CCDC7: variants seen among roughly 807,000 people sequenced by gnomAD.
The protein encoded by CCDC7 is coiled-coil domain containing 7.
Under a neutral mutation model 196.9 loss-of-function variants are expected in CCDC7, and 183 were observed. That is an observed-to-expected ratio of 0.93 (90% CI 0.82 to 1.05). CCDC7 has a LOEUF of 1.05. Among genes scored for constraint, CCDC7 ranks in the 50% least tolerant of loss-of-function variants. The pLI, the probability that CCDC7 is intolerant of heterozygous loss-of-function variation, is 0.00. For missense variants in CCDC7, 1,540 were observed against 1,482.2 expected (o/e 1.04, Z -0.64); for synonymous variants, 525 against 484.6 (o/e 1.08, Z -1.10).
At chr10:32,872,217 C>T (rs1477377568) in intron 41 of CCDC7, among the ~76,000 whole-genome samples, 2 of 152,084 alleles carry the variant, frequency 1.3e-5, no homozygotes, top group East Asian at 3.8e-4. Flanking sequence ...GTTAAAGTCT[C>T]CCATTGTTAT....
intron 33 of CCDC7, among the ~76,000 whole-genome samples, chr10:32,836,121 C>G (rs2135990383): frequency 6.6e-6 from 1 of 152,042 alleles, no homozygotes; most frequent in Non-Finnish European, 1.5e-5. Context: ...CATCTTTTTC[C>G]TTGATCTTTG....
At chr10:32,709,298 ACAT>A (rs2080386287) in intron 24 of CCDC7, among the ~76,000 whole-genome samples, 1 of 129,706 alleles carries the variant, frequency 7.7e-6, no homozygotes, top group Non-Finnish European at 1.6e-5. Flanking sequence ...AGGAAGGGGA[ACAT>A]CACACACCGA....
intron 31 of CCDC7, among the ~76,000 whole-genome samples, chr10:32,823,426 C>T (rs1438912573): frequency 2.6e-5 from 4 of 152,182 alleles, no homozygotes; most frequent in Non-Finnish European, 4.4e-5. Flanking sequence ...AGGCATGAGC[C>T]ACTGCACCTG....
intron 7 of CCDC7, among the ~76,000 whole-genome samples, chr10:32,472,802 C>T (rs1366108296): frequency 6.6e-6 from 1 of 151,710 alleles, no homozygotes; most frequent in Non-Finnish European, 1.5e-5. Flanking sequence ...CACTATGTCG[C>T]CCAGGCTGGT....
At position 32,827,759 on chromosome 10, in the gene CCDC7, G is replaced by A. The variant is rs192463636; in HGVS notation, c.3268+3155G>A. On this transcript the variant is annotated intron_variant, in intron 32 of 41. Coordinates refer to ENST00000639629, the Ensembl canonical transcript of CCDC7. Reference sequence around the variant, plus strand: ...GTATACCTATGTAACAAACCTGCACGTTGTGCACATGTACCTTGGAACTTA... The same window carrying A: ...GTATACCTATGTAACAAACCTGCACATTGTGCACATGTACCTTGGAACTTA... 4.6e-5 allele frequency among the ~76,000 whole-genome samples: 7 copies of A among 152,180 alleles called. No individual in the cohort carries two copies. The East Asian group carries it at 5.8e-4, about 13-fold the overall frequency.
At chr10:32,720,954 G>A (rs72782261) in intron 25 of CCDC7, among the ~76,000 whole-genome samples, 6,183 of 152,220 alleles carry the variant, frequency 0.041, 193 homozygotes, top group Middle Eastern at 0.082. Flanking sequence ...TTAGCCATGC[G>A]TAGTGGCTCA....
intron 41 of CCDC7, among the ~76,000 whole-genome samples, chr10:32,864,007 G>A (rs1273981093): frequency 6.7e-6 from 1 of 149,818 alleles, no homozygotes; most frequent in African/African-American, 2.4e-5. Flanking sequence ...AAAAAAATTT[G>A]CAAACCGTAT....
chr10:32,535,761 A>G (rs1370626366), intron 11 of CCDC7, among the ~76,000 whole-genome samples: 1 of 152,208 alleles, frequency 6.6e-6, no homozygotes, highest in East Asian at 1.9e-4. Context: ...GTTGGGAGGA[A>G]AGGGGAAAGA....
intron 29 of CCDC7, among the ~76,000 whole-genome samples, chr10:32,802,401 C>A (rs1456203421): frequency 6.6e-6 from 1 of 152,116 alleles, no homozygotes; most frequent in Admixed American, 6.5e-5. Flanking sequence ...GTTCTCCATA[C>A]TATTAGAAGT....
intron 20 of CCDC7, among the ~76,000 whole-genome samples, chr10:32,660,974 T>C (rs1181206729): frequency 7.2e-6 from 1 of 138,270 alleles, no homozygotes; most frequent in Admixed American, 7.4e-5. Context: ...AATTGACAAA[T>C]GGGATCTAAT....
At chr10:32,597,356 G>A (rs2060496487) in intron 18 of CCDC7, among the ~76,000 whole-genome samples, 1 of 152,154 alleles carries the variant, frequency 6.6e-6, no homozygotes, top group African/African-American at 2.4e-5. Flanking sequence ...CTCGTGCCAT[G>A]GTTTTCAGCT....
chr10:32,781,770 T>G (rs1368324075), intron 29 of CCDC7, among the ~76,000 whole-genome samples: 1 of 152,214 alleles, frequency 6.6e-6, no homozygotes, highest in African/African-American at 2.4e-5. Flanking sequence ...TTTAGATAAC[T>G]TCTAGTCAAA....
At chr10:32,645,118 C>T (rs2067526499) in intron 20 of CCDC7, among the ~76,000 whole-genome samples, 1 of 152,158 alleles carries the variant, frequency 6.6e-6, no homozygotes, top group Non-Finnish European at 1.5e-5. Flanking sequence ...CACTAATCAT[C>T]AGAGAAATTC....
rs2080175710 is a variant in CCDC7, at chr10:32,777,051, TC to T, written c.2906-1921del. 2.6e-5 allele frequency among the ~76,000 whole-genome samples: 4 copies of T among 152,212 alleles called. No individual in the cohort carries two copies. In the South Asian group the frequency reaches 8.3e-4, roughly 32 times the overall value. ...AAGAGGTCATTTTACCCCTTCTTCC[TC>T]CCCCTTTTAGTATTCCACAGTCTCT... On this transcript the variant is annotated intron_variant, in intron 28 of 41. Coordinates refer to ENST00000639629, the Ensembl canonical transcript of CCDC7.
intron 28 of CCDC7, among the ~76,000 whole-genome samples, chr10:32,772,159 G>T (rs1324938406): frequency 6.6e-6 from 1 of 152,204 alleles, no homozygotes; most frequent in African/African-American, 2.4e-5. Context: ...ACCCCTGTGG[G>T]TGTTGGGGAA....
chr10:32,491,804 A>G, intron 8 of CCDC7, 118 bp from the exon 10 acceptor site: 1 of 941,318 alleles, frequency 1.1e-6, no homozygotes, highest in Non-Finnish European at 1.5e-6. Flanking sequence ...CATGTAGCCC[A>G]TGCTAGCCCC....
intron 9 of CCDC7, among the ~76,000 whole-genome samples, chr10:32,507,460 T>A (rs886765337): frequency 2.0e-5 from 3 of 152,124 alleles, no homozygotes; most frequent in African/African-American, 7.2e-5. Flanking sequence ...TATTACCATT[T>A]TGTTTTTTGA....
chr10:32,597,452 C>T (rs61443867), intron 18 of CCDC7, among the ~76,000 whole-genome samples: 6,476 of 152,116 alleles, frequency 0.043, 465 homozygotes, highest in African/African-American at 0.15. Flanking sequence ...TAGCTTCTTG[C>T]GATGGGTTCG....
rs60002951 is a variant in CCDC7 at position 32,459,646 on chromosome 10, A to ATTTTTTTTT, written c.457-3018_457-3010dup. On this transcript the variant is annotated intron_variant, in intron 3 of 41. Coordinates refer to ENST00000639629, the Ensembl canonical transcript of CCDC7. ...AAGCCTTTGGACTTCCCTGCTGCAC[A>ATTTTTTTTT]TTTTTTTTTTTTTTTTTTTTTTTTT... Among the ~76,000 whole-genome samples, 89 of 68,738 alleles carry ATTTTTTTTT rather than the reference A, an allele frequency of 1.3e-3. 13 individuals are homozygous for ATTTTTTTTT. The highest frequency in any genetic ancestry group is 0.011 in the Middle Eastern group (1 of 92). The allele number at this position is 68,738 out of a possible 152,430, so 45.1% of individuals were successfully genotyped here.
Sources: allele counts gnomAD v4.1 joint callset (sites outside exome capture counted in the v4.1 genomes callset), GRCh38; gene constraint gnomAD v4.1.1; transcripts MANE v1.5; gene names NCBI Gene and HGNC (gene_info 2026-07-23, HGNC 2026-07-21).